The following VKORC1L1 variants were observed in gnomAD, a reference collection of about 807,000 sequenced individuals.
VKORC1L1 encodes vitamin K epoxide reductase complex subunit 1-like protein 1.
VKORC1L1 carries 2 observed loss-of-function variants against 18.9 expected under a neutral mutation model. The ratio of observed to expected loss-of-function variants is 0.11; its 90% confidence interval spans 0.04 to 0.33. VKORC1L1 has a LOEUF of 0.33. VKORC1L1 is among the 10% of genes least tolerant of loss of function. The pLI is 1.00. For synonymous variants in VKORC1L1, 96 were observed against 100.0 expected (o/e 0.96, Z 0.24); for missense variants, 123 against 224.1 (o/e 0.55, Z 2.88).
chr7:65,928,219 C>T (rs770553825), intron 1 of VKORC1L1, among the ~76,000 whole-genome samples: 2 of 149,084 alleles, frequency 1.3e-5, no homozygotes, highest in Non-Finnish European at 3.0e-5. Flanking sequence ...TTAGCATCAA[C>T]ATCAAAACAA....
At chr7:65,942,629 G>T (rs1236597163) in intron 1 of VKORC1L1, among the ~76,000 whole-genome samples, 10 of 151,608 alleles carry the variant, frequency 6.6e-5, no homozygotes, top group African/African-American at 1.9e-4. Flanking sequence ...GGGTTCAAGC[G>T]ATTTTTCTGC....
the VKORC1L1 span, among the ~76,000 whole-genome samples, chr7:65,866,492 T>C: frequency 1.3e-5 from 2 of 152,312 alleles, no homozygotes; most frequent in East Asian, 3.9e-4. Flanking sequence ...TCACCACTTT[T>C]TGAATGGCCT....
intron 1 of VKORC1L1, among the ~76,000 whole-genome samples, chr7:65,898,193 A>G (rs1275701641): frequency 6.7e-6 from 1 of 148,296 alleles, no homozygotes; most frequent in Non-Finnish European, 1.5e-5. Flanking sequence ...GGTTCAAGCA[A>G]TTCTCTGCCT....
chr7:65,873,466 A>G lies in VKORC1L1; in HGVS notation c.95A>G (p.Tyr32Cys). ...VCAAGILLSI[Y>C]AYHVEREKER... is the part of the protein sequence containing the mutation. ...GCTGCCGGAATCCTGCTCTCCATCT[A>G]CGCCTACCACGTGGAGCGGGAGAAG... The change falls in exon 1 of 3, where the codon TAC becomes TGC. Residue 32 changes from tyrosine (Y) to cysteine (C), a missense_variant. Tyr to Cys is a radical substitution (Grantham distance 194, BLOSUM62 -2). Transcript: ENST00000360768. 6.3e-7 allele frequency: 1 copy of G among 1,595,060 alleles called. No homozygotes were observed. Among genetic ancestry groups the G allele is most frequent in the Non-Finnish European group, 8.5e-7 (1 of 1,172,204 alleles).
chr7:65,884,038 G>GT (rs1788972919), intron 1 of VKORC1L1, among the ~76,000 whole-genome samples: 1 of 152,164 alleles, frequency 6.6e-6, no homozygotes, highest in Admixed American at 6.5e-5. Flanking sequence ...AAAGTAGACA[G>GT]TATACTCAAC....
intron 1 of VKORC1L1, among the ~76,000 whole-genome samples, chr7:65,910,987 A>G (rs972538661): frequency 1.3e-5 from 2 of 152,292 alleles, no homozygotes; most frequent in East Asian, 1.9e-4. Context: ...TTGTTGCTCC[A>G]TTAACCAGTA....
At chr7:65,914,578 A>G (rs1789556127) in intron 1 of VKORC1L1, among the ~76,000 whole-genome samples, 1 of 152,162 alleles carries the variant, frequency 6.6e-6, no homozygotes, top group Non-Finnish European at 1.5e-5. Flanking sequence ...CAGCCCATAT[A>G]CCATGGAGTC....
chr7:65,873,154 C>T lies in VKORC1L1; in HGVS notation c.-218C>T. Reference sequence around the variant, plus strand: ...CCGCGCCCGCGCGCGCCTTCCCCGCCCCGTCCGCCTCACTCCTTTTGGGGC... The same window carrying T: ...CCGCGCCCGCGCGCGCCTTCCCCGCTCCGTCCGCCTCACTCCTTTTGGGGC... On this transcript the variant is annotated 5_prime_UTR_variant, in exon 1 of 3. Coordinates refer to ENST00000360768, the MANE Select transcript of VKORC1L1 (RefSeq NM_173517.6). The T allele has an allele frequency of 4.7e-5, 22 of 464,612 alleles. No homozygotes were observed. Among genetic ancestry groups the T allele is most frequent in the Non-Finnish European group, 5.9e-5 (21 of 354,442 alleles). 28.8% of individuals were successfully genotyped at this position (464,612 alleles called of 1,614,324 possible).
chr7:65,945,232 G>C (rs1790099933), intron 1 of VKORC1L1, among the ~76,000 whole-genome samples: 2 of 151,798 alleles, frequency 1.3e-5, no homozygotes, highest in African/African-American at 4.8e-5. Flanking sequence ...CTACACTCCA[G>C]CCTGGGCGAC....
intron 1 of VKORC1L1, among the ~76,000 whole-genome samples, chr7:65,901,353 C>T (rs1000721378): frequency 2.6e-5 from 4 of 152,126 alleles, no homozygotes; most frequent in African/African-American, 7.2e-5. Context: ...GAGACCCTAT[C>T]TCAAAACAGC....
intron 2 of VKORC1L1, among the ~76,000 whole-genome samples, chr7:65,950,818 C>G (rs1009211807): frequency 3.3e-5 from 5 of 152,168 alleles, no homozygotes; most frequent in African/African-American, 1.2e-4. Context: ...TGTATACATG[C>G]ATGTAAATGC....
chr7:65,866,012 C>CG, the VKORC1L1 span, among the ~76,000 whole-genome samples: 1 of 151,790 alleles, frequency 6.6e-6, no homozygotes, highest in African/African-American at 2.4e-5. Flanking sequence ...CCCAGCTACT[C>CG]GAGGGGCTAA....
chr7:65,885,463 T>G (rs1041540510), intron 1 of VKORC1L1, among the ~76,000 whole-genome samples: 1 of 152,080 alleles, frequency 6.6e-6, no homozygotes, highest in Non-Finnish European at 1.5e-5. Flanking sequence ...TATAGTTGTT[T>G]TTTTTTTCTG....
intron 2 of VKORC1L1, among the ~76,000 whole-genome samples, chr7:65,951,701 T>C (rs1396469386): frequency 6.6e-6 from 1 of 152,100 alleles, no homozygotes; most frequent in Non-Finnish European, 1.5e-5. Context: ...TATTGTCTCT[T>C]TATGCATATA....
At chr7:65,908,096 G>A (rs1233857221) in intron 1 of VKORC1L1, among the ~76,000 whole-genome samples, 1 of 152,148 alleles carries the variant, frequency 6.6e-6, no homozygotes, top group Non-Finnish European at 1.5e-5. Flanking sequence ...CTTCAAATTT[G>A]TATTAGTAGA....
intron 1 of VKORC1L1, among the ~76,000 whole-genome samples, chr7:65,920,020 T>C (rs1161599636): frequency 6.6e-6 from 1 of 152,120 alleles, no homozygotes; most frequent in Non-Finnish European, 1.5e-5. Context: ...TGGTGTTTTT[T>C]TTCTTGTGGC....
At chr7:65,930,021 A>G (rs1789833393) in intron 1 of VKORC1L1, among the ~76,000 whole-genome samples, 1 of 151,964 alleles carries the variant, frequency 6.6e-6, no homozygotes, top group African/African-American at 2.4e-5. Flanking sequence ...GTGCCTATGT[A>G]TTTGTCTGTG....
chr7:65,933,516 C>A (rs116372757), intron 1 of VKORC1L1, among the ~76,000 whole-genome samples: 1 of 152,040 alleles, frequency 6.6e-6, no homozygotes, highest in Non-Finnish European at 1.5e-5. Flanking sequence ...TTCTGGATTT[C>A]TTTTGATTAG....
chr7:65,916,836 G>T (rs536010686), intron 1 of VKORC1L1, among the ~76,000 whole-genome samples: 7 of 152,238 alleles, frequency 4.6e-5, no homozygotes, highest in Non-Finnish European at 8.8e-5. Context: ...GACCTCAGGT[G>T]ATCCACCCAC....
Sources: allele counts gnomAD v4.1 joint callset (sites outside exome capture counted in the v4.1 genomes callset), GRCh38; gene constraint gnomAD v4.1.1; transcripts MANE v1.5; gene names NCBI Gene and HGNC (gene_info 2026-07-23, HGNC 2026-07-21).